Variants in FANCD2OS observed in about 807,000 individuals in gnomAD.
The protein encoded by FANCD2OS is FANCD2 opposite strand protein.
FANCD2OS carries 11 observed loss-of-function variants against 13.2 expected under a neutral mutation model. The observed-to-expected ratio is 0.83, with a 90% CI of 0.52 to 1.38. The LOEUF (loss-of-function observed/expected upper bound fraction) is 1.38, where lower values mean the gene tolerates loss of function less well. Ranked by LOEUF, FANCD2OS falls within the 40% of genes most tolerant of loss-of-function variation. FANCD2OS has a pLI of 0.00. For missense variants in FANCD2OS, 217 were observed against 213.9 expected (o/e 1.01, Z -0.09); for synonymous variants, 69 against 84.5 (o/e 0.82, Z 1.01).
downstream of FANCD2OS, among the ~76,000 whole-genome samples, chr3:10,102,421 G>A (rs1016384345): frequency 2.6e-5 from 4 of 152,028 alleles, no homozygotes; most frequent in Non-Finnish European, 5.9e-5. Flanking sequence ...ACAATTACAG[G>A]CGTGAGCCAC....
chr3:10,096,888 T>C (rs1032604632), intron 2 of FANCD2OS, among the ~76,000 whole-genome samples: 4 of 152,210 alleles, frequency 2.6e-5, no homozygotes, highest in African/African-American at 4.8e-5. Context: ...TAATCTCTTA[T>C]TGGGGGACCT....
At chr3:10,082,980 A>G (rs959848329) in intron 2 of FANCD2OS, among the ~76,000 whole-genome samples, 5 of 152,140 alleles carry the variant, frequency 3.3e-5, no homozygotes, top group African/African-American at 9.7e-5. Flanking sequence ...TAATCCCAAC[A>G]CTTTGGGAGG....
At chr3:10,087,359 A>G (rs2125073830) in intron 2 of FANCD2OS, 1 of 1,212,760 alleles carries the variant, frequency 8.2e-7, no homozygotes, top group Non-Finnish European at 1.1e-6. Context: ...ACATTTTTAC[A>G]TGTAAATCCC....
chr3:10,096,290 A>G, intron 2 of FANCD2OS: 1 of 1,611,136 alleles, frequency 6.2e-7, no homozygotes, highest in Non-Finnish European at 8.5e-7. Flanking sequence ...ATGATGATAA[A>G]CTCACAAAAG....
downstream of FANCD2OS, chr3:10,098,976 G>T (rs373904701): frequency 9.9e-5 from 160 of 1,614,036 alleles, no homozygotes; most frequent in African/African-American, 1.8e-3. Flanking sequence ...TATAATTTTT[G>T]GGACCCAGAA....
intron 2 of FANCD2OS, among the ~76,000 whole-genome samples, chr3:10,083,199 C>T (rs1315351032): frequency 8.6e-5 from 13 of 151,918 alleles, no homozygotes; most frequent in Non-Finnish European, 1.5e-5. Flanking sequence ...TGCACTCCAA[C>T]CTGGGCAACA....
intron 2 of FANCD2OS, chr3:10,087,367 C>T (rs1209222675): frequency 9.0e-7 from 1 of 1,107,884 alleles, no homozygotes; most frequent in Non-Finnish European, 1.3e-6. Flanking sequence ...ACATGTAAAT[C>T]CCCACATAAC....
chr3:10,093,416 C>A, intron 2 of FANCD2OS: 1 of 1,092,498 alleles, frequency 9.2e-7, no homozygotes, highest in African/African-American at 1.5e-5. Flanking sequence ...CAATTTCTTG[C>A]CCACAAGCCA....
intron 2 of FANCD2OS, chr3:10,088,916 G>C (rs1694407565): frequency 6.2e-7 from 1 of 1,613,806 alleles, no homozygotes. Flanking sequence ...CTCTCCTAAA[G>C]ATGCATCTTC....
At chr3:10,088,833 A>G (rs2125077581) in intron 2 of FANCD2OS, 2 of 1,614,118 alleles carry the variant, frequency 1.2e-6, no homozygotes, top group Non-Finnish European at 1.7e-6. Flanking sequence ...TGCAGTATCT[A>G]CCTGGAGCAC....
At chr3:10,090,710 G>A (rs1266698264) in intron 2 of FANCD2OS, among the ~76,000 whole-genome samples, 1 of 152,064 alleles carries the variant, frequency 6.6e-6, no homozygotes, top group Non-Finnish European at 1.5e-5. Context: ...CACCCACCTC[G>A]GCCTCCCAAA....
chr3:10,099,903 A>G (rs1368219892), downstream of FANCD2OS, among the ~76,000 whole-genome samples: 1 of 152,148 alleles, frequency 6.6e-6, no homozygotes, highest in Admixed American at 6.5e-5. Context: ...ATCATTTAGT[A>G]TGAAAAGTCT....
downstream of FANCD2OS, chr3:10,101,094 A>G: frequency 3.1e-6 from 3 of 971,230 alleles, no homozygotes; most frequent in South Asian, 2.6e-5. Context: ...TAACAGTGAT[A>G]ATAGTACAGT....
At chr3:10,096,085 C>G (rs1028723275) in intron 2 of FANCD2OS, among the ~76,000 whole-genome samples, 1 of 152,102 alleles carries the variant, frequency 6.6e-6, no homozygotes, top group Non-Finnish European at 1.5e-5. Flanking sequence ...CATTGAAGAT[C>G]GGCCAGTAAG....
chr3:10,093,267 T>C, intron 2 of FANCD2OS: 1 of 1,611,724 alleles, frequency 6.2e-7, no homozygotes, highest in East Asian at 2.2e-5. Flanking sequence ...CTTGGTTTCT[T>C]GTCTTTCACC....
chr3:10,085,383 C>CT (rs142081081), intron 2 of FANCD2OS, among the ~76,000 whole-genome samples: 2 of 149,124 alleles, frequency 1.3e-5, no homozygotes, highest in Non-Finnish European at 3.0e-5. Context: ...ATTCTTTTTT[C>CT]TTTTTTCTTT....
At chr3:10,101,195 A>G (rs767416501), downstream of FANCD2OS, 3 of 1,612,664 alleles carry the variant, frequency 1.9e-6, no homozygotes, top group Non-Finnish European at 2.5e-6. Flanking sequence ...TAGGATGGTG[A>G]AGAAGACGAA....
At chr3:10,101,344 C>T, downstream of FANCD2OS, 1 of 928,004 alleles carries the variant, frequency 1.1e-6, no homozygotes, top group Non-Finnish European at 1.8e-6. Flanking sequence ...CCGCTGTTTG[C>T]CTTTCTTACT....
intron 2 of FANCD2OS, chr3:10,095,463 CA>C (rs1694897826): frequency 3.3e-6 from 2 of 609,590 alleles, no homozygotes. Flanking sequence ...GGAATCTCCG[CA>C]TCTGAAATTT....
Sources: gnomAD v4.1 joint callset for allele counts (sites outside exome capture counted in the v4.1 genomes callset) on GRCh38, gnomAD v4.1.1 for gene constraint, MANE v1.5 for transcripts, NCBI Gene and HGNC (gene_info 2026-07-23, HGNC 2026-07-21) for gene names.